The following PLEKHG1 variants were observed in gnomAD, a reference collection of about 807,000 sequenced individuals.
The protein encoded by PLEKHG1 is pleckstrin homology and RhoGEF domain containing G1.
Under a neutral mutation model 100.8 loss-of-function variants are expected in PLEKHG1, and 44 were observed. The ratio of observed to expected loss-of-function variants is 0.44; its 90% CI spans 0.34 to 0.56. PLEKHG1 has a LOEUF of 0.56. Among genes scored for constraint, PLEKHG1 ranks in the 20% least tolerant of loss-of-function variants. The pLI is 0.01. For missense variants in PLEKHG1, 1,545 were observed against 1,720.9 expected (o/e 0.90, Z 1.81); for synonymous variants, 640 against 662.5 (o/e 0.97, Z 0.52).
chr6:150,643,099 G>A lies in PLEKHG1; in HGVS notation c.-158+4974G>A, dbSNP rs538800945. Among the ~76,000 whole-genome samples the A allele has an allele frequency of 3.9e-5, 6 of 152,188 alleles. No individual in the cohort carries two copies. In the South Asian group the frequency reaches 1.2e-3, roughly 32 times the overall value. On this transcript the variant is annotated intron_variant, in intron 2 of 3. Coordinates refer to the PLEKHG1 transcript ENST00000367326. ...TATGAAAAACAGAGAGACATACCAA[G>A]GAATATGAGGAAGAGGTCACCTACT...
intron 2 of PLEKHG1, among the ~76,000 whole-genome samples, chr6:150,734,418 A>C (rs1782457157): frequency 6.6e-6 from 1 of 152,230 alleles, no homozygotes; most frequent in Non-Finnish European, 1.5e-5. Context: ...GGAGGACTCA[A>C]GTCTCCTGGA....
intron 4 of PLEKHG1, among the ~76,000 whole-genome samples, chr6:150,790,022 A>T (rs369130606): frequency 1.5e-4 from 22 of 151,162 alleles, no homozygotes; most frequent in African/African-American, 4.6e-4. Context: ...AAATTGAAAT[A>T]TTTTTTTTTC....
chr6:150,828,298 C>T, intron 14 of PLEKHG1: 2 of 1,612,154 alleles, frequency 1.2e-6, no homozygotes, highest in Non-Finnish European at 1.7e-6. Flanking sequence ...GGAGGAAAAC[C>T]CTAAGAAGCC....
At chr6:150,738,601 GA>G (rs1782692855) in intron 2 of PLEKHG1, among the ~76,000 whole-genome samples, 1 of 152,124 alleles carries the variant, frequency 6.6e-6, no homozygotes, top group South Asian at 2.1e-4. Context: ...TAGGAATTCA[GA>G]AATGAATTCC....
Position 150,759,852 on chromosome 6 carries a change from G to A in PLEKHG1, c.412-8786G>A, listed in dbSNP as rs374060106. Among the ~76,000 whole-genome samples, 8 of 152,120 alleles carry A rather than the reference G, an allele frequency of 5.3e-5. No individual in the cohort carries two copies. The South Asian group carries it at 1.7e-3, about 32-fold the overall frequency. On this transcript the variant is annotated intron_variant, in intron 2 of 15. Coordinates refer to ENST00000358517, the Ensembl canonical transcript of PLEKHG1. The stretch of plus-strand genomic sequence containing the variant: ...TCTTTACAAAAAAATAGAAAAGTTA[G>A]CCCAGTGTGGTGGTGTGAGCCTATA...
chr6:150,603,381 G>T (rs1191489489), intron 1 of PLEKHG1, among the ~76,000 whole-genome samples: 1 of 152,204 alleles, frequency 6.6e-6, no homozygotes, highest in African/African-American at 2.4e-5. Flanking sequence ...TTTACTGACA[G>T]AAGAGTCAGC....
At chr6:150,703,678 T>C (rs561662750) in intron 3 of PLEKHG1, among the ~76,000 whole-genome samples, 1 of 152,146 alleles carries the variant, frequency 6.6e-6, no homozygotes, top group African/African-American at 2.4e-5. Flanking sequence ...CAGTCTAGAA[T>C]ATATTCTGCT....
At chr6:150,688,206 A>G (rs879499498) in intron 3 of PLEKHG1, among the ~76,000 whole-genome samples, 2 of 152,228 alleles carry the variant, frequency 1.3e-5, no homozygotes, top group Non-Finnish European at 2.9e-5. Context: ...ATGAGAAAAC[A>G]GAGCTCAGGG....
At chr6:150,793,490 C>CT (rs1786114104) in intron 4 of PLEKHG1, among the ~76,000 whole-genome samples, 1 of 152,098 alleles carries the variant, frequency 6.6e-6, no homozygotes, top group Non-Finnish European at 1.5e-5. Context: ...GAAGGAGGTT[C>CT]TTTTTTTGGA....
At chr6:150,631,618 AC>A (rs1777753331) in intron 1 of PLEKHG1, among the ~76,000 whole-genome samples, 1 of 152,220 alleles carries the variant, frequency 6.6e-6, no homozygotes, top group African/African-American at 2.4e-5. Context: ...TTGCAGTAAG[AC>A]TTGTAGGAAA....
chr6:150,646,298 A>G (rs1055630813), intron 2 of PLEKHG1, among the ~76,000 whole-genome samples: 6 of 150,366 alleles, frequency 4.0e-5, no homozygotes, highest in African/African-American at 1.5e-4. Flanking sequence ...TTCTTCATAA[A>G]ACCCAAAAAT....
At chr6:150,822,151 A>C (rs1337938509) in intron 13 of PLEKHG1, among the ~76,000 whole-genome samples, 1 of 29,132 alleles carries the variant, frequency 3.4e-5, no homozygotes, top group Middle Eastern at 0.017. Flanking sequence ...CAAAGGACTC[A>C]AAAAAAAAAA....
intron 3 of PLEKHG1, among the ~76,000 whole-genome samples, chr6:150,769,584 C>CAAAAAAAAAAAAA (rs5880898): frequency 1.6e-5 from 1 of 64,302 alleles, no homozygotes; most frequent in Non-Finnish European, 3.4e-5. Context: ...GACTCCATCT[C>CAAAAAAAAAAAAA]AAAAAAAAAA....
chr6:150,820,941 AGGACTG>A (rs753615188), intron 12 of PLEKHG1, among the ~76,000 whole-genome samples: 72 of 152,204 alleles, frequency 4.7e-4, no homozygotes, highest in Non-Finnish European at 7.5e-4. Flanking sequence ...TGCTACTGAC[AGGACTG>A]AAAAAGTCAG....
intron 1 of PLEKHG1, among the ~76,000 whole-genome samples, chr6:150,627,887 A>T (rs1777570302): frequency 1.3e-5 from 2 of 152,192 alleles, no homozygotes; most frequent in Admixed American, 1.3e-4. Flanking sequence ...TACATAGATA[A>T]TAATAAACAA....
intron 6 of PLEKHG1, among the ~76,000 whole-genome samples, chr6:150,803,942 T>TA (rs2128665067): frequency 6.6e-6 from 1 of 151,824 alleles, no homozygotes; most frequent in Non-Finnish European, 1.5e-5. Flanking sequence ...TCCAGAGCTA[T>TA]AAGAGCAATT....
chr6:150,815,511 A>G (rs1261211094), intron 10 of PLEKHG1, among the ~76,000 whole-genome samples: 1 of 152,244 alleles, frequency 6.6e-6, no homozygotes, highest in Admixed American at 6.5e-5. Flanking sequence ...TGCATTTTAT[A>G]TATTAGTATG....
chr6:150,663,557 T>C (rs9372084), intron 3 of PLEKHG1: 17,466 of 102,492 alleles, frequency 0.17, 1,003 homozygotes, highest in East Asian at 0.26. Context: ...CTCTCTCTCT[T>C]TTTTTTTTTT....
chr6:150,827,721 T>C, intron 14 of PLEKHG1: 1 of 1,284,206 alleles, frequency 7.8e-7, no homozygotes, highest in South Asian at 1.2e-5. Flanking sequence ...AAGGGTTTCT[T>C]ACCCGCCAAG....
Sources: allele counts gnomAD v4.1 joint callset (sites outside exome capture counted in the v4.1 genomes callset), GRCh38; gene constraint gnomAD v4.1.1; transcripts MANE v1.5; gene names NCBI Gene and HGNC (gene_info 2026-07-23, HGNC 2026-07-21).